PAH: variants seen among roughly 807,000 people sequenced by gnomAD.
PAH encodes the protein phenylalanine-4-hydroxylase.
A neutral mutation model predicts 62.0 loss-of-function variants in PAH; 64 were observed. That is an observed-to-expected ratio of 1.03 (90% CI 0.84 to 1.27). The LOEUF is 1.27. Ranked by LOEUF, PAH falls within the 50% of genes most tolerant of loss-of-function variation. The probability of loss-of-function intolerance (pLI) is 0.00; values close to 1 mark genes in which losing one functional copy is unlikely to be tolerated. For missense variants in PAH, 579 were observed against 542.8 expected, an observed-to-expected ratio of 1.07 and a Z score of -0.66; for synonymous variants, 195 against 196.2, an observed-to-expected ratio of 0.99 and a Z score of 0.05.
intron 2 of PAH, among the ~76,000 whole-genome samples, chr12:102,898,562 C>T (rs1338109722): frequency 3.3e-5 from 5 of 152,102 alleles, no homozygotes; most frequent in African/African-American, 7.2e-5. Flanking sequence ...TGATCATTAA[C>T]GGTATAAGGT....
rs1210938582 is a variant in PAH, at chr12:102,866,555, G to A, written c.509+41C>T. 3 of 1,493,014 alleles carry A rather than the reference G, an allele frequency of 2.0e-6. No homozygotes were observed. The highest frequency in any genetic ancestry group is 1.7e-4 in the Middle Eastern group (1 of 5,826). The allele number at this position is 1,493,014 out of a possible 1,614,324, so 92.5% of individuals were successfully genotyped here. A position where few individuals can be genotyped will look rare whatever the true frequency, so the allele number is the denominator to read the frequency against. On this transcript the variant is annotated intron_variant, in intron 5 of 12. Coordinates refer to ENST00000553106, the MANE Select transcript of PAH (RefSeq NM_000277.3). ...GGCAAGGGAGAAGCAGGCTAGGGGT[G>A]TGTTTTTCTCTCTTCCCCTCAACAA...
intron 11 of PAH, among the ~76,000 whole-genome samples, chr12:102,841,578 A>G (rs568781447): frequency 1.2e-3 from 176 of 152,308 alleles, no homozygotes; most frequent in South Asian, 2.3e-3. Flanking sequence ...AAATGCTGTT[A>G]TACTATGGTG....
rs929546633 is a variant in PAH at position 102,869,697 on chromosome 12, C to T, written c.442-3034G>A. 1.5e-4 allele frequency among the ~76,000 whole-genome samples: 23 copies of T among 152,152 alleles called. 1 individual carries two copies. The highest frequency in any genetic ancestry group is 5.3e-4 in the African/African-American group (22 of 41,436). Reference sequence around the variant, plus strand: ...CAGCCTGCAAGGGGCCCCAACCAACCAGGTTGCAGGGAGTTTTGCTTTCTC... The same window carrying T: ...CAGCCTGCAAGGGGCCCCAACCAACTAGGTTGCAGGGAGTTTTGCTTTCTC... On this transcript the variant is annotated intron_variant, in intron 4 of 12. Coordinates refer to ENST00000553106, the MANE Select transcript of PAH (RefSeq NM_000277.3).
intron 7 of PAH, among the ~76,000 whole-genome samples, chr12:102,852,483 A>G (rs1722382): frequency 0.64 from 97,419 of 152,032 alleles, 32,567 homozygotes; most frequent in African/African-American, 0.78. Context: ...ATACTTAGGA[A>G]GTATTGAGAT....
intron 1 of PAH, among the ~76,000 whole-genome samples, chr12:102,944,179 C>A (rs1243231434): frequency 6.6e-6 from 1 of 152,194 alleles, no homozygotes; most frequent in Non-Finnish European, 1.5e-5. Context: ...TTTTCTCTTG[C>A]TGCTTTTAGC....
intron 1 of PAH, among the ~76,000 whole-genome samples, chr12:102,922,543 G>A (rs961625245): frequency 1.3e-5 from 2 of 152,130 alleles, no homozygotes; most frequent in Non-Finnish European, 2.9e-5. Flanking sequence ...TTGAGGTCAC[G>A]CTGTTTACTA....
chr12:102,912,805 A>G lies in PAH; in HGVS notation c.154T>C (p.Leu52=), dbSNP rs1878253075. 1 of 1,611,292 alleles carries G rather than the reference A, an allele frequency of 6.2e-7. No individual in the cohort carries two copies. Among genetic ancestry groups the G allele is most frequent in the African/African-American group, 1.3e-5 (1 of 74,890 alleles). ...GTAGCACTGACCTCAAATAAGCGCA[A>G]TACTTTGGCCAATGCACCAACTTCT... ...KEEVGALAKV[L]RLFEENDVNL... is the part of the protein sequence containing the mutation. Residue 52 remains leucine (L), a synonymous_variant, in exon 2 of 13, where the codon TTG becomes CTG. Coordinates refer to ENST00000553106, the MANE Select transcript of PAH (RefSeq NM_000277.3).
chr12:102,953,662 A>G (rs975985308), upstream of PAH: 2 of 152,196 alleles, frequency 1.3e-5, no homozygotes, highest in Admixed American at 1.3e-4. Context: ...GAGTGTTCTG[A>G]TATAGGAAAG....
intron 4 of PAH, 101 bp downstream of exon 4, chr12:102,877,361 A>T (rs893371774): frequency 3.3e-6 from 3 of 898,570 alleles, no homozygotes; most frequent in South Asian, 2.6e-5. Context: ...TTTGTTGAAC[A>T]AGTGAACAAG....
At chr12:102,883,257 T>C (rs919133306) in intron 3 of PAH, among the ~76,000 whole-genome samples, 3 of 152,188 alleles carry the variant, frequency 2.0e-5, no homozygotes, top group Admixed American at 2.0e-4. Flanking sequence ...GTCACTACAT[T>C]TGTTCAGCTC....
intron 3 of PAH, among the ~76,000 whole-genome samples, chr12:102,882,199 C>A (rs1876838284): frequency 6.6e-6 from 1 of 152,154 alleles, no homozygotes; most frequent in Admixed American, 6.6e-5. Flanking sequence ...AGAGGGAAGA[C>A]CCTGGTGACT....
chr12:102,898,936 G>A (rs1723532633), intron 2 of PAH, among the ~76,000 whole-genome samples: 1 of 152,142 alleles, frequency 6.6e-6, no homozygotes, highest in South Asian at 2.1e-4. Context: ...ATTATTTATG[G>A]CTCCAACTGC....
chr12:102,847,068 T>C (rs1874885104), intron 8 of PAH, 117 bp from the exon 9 acceptor site: 1 of 785,882 alleles, frequency 1.3e-6, no homozygotes, highest in Admixed American at 1.8e-5. Context: ...ACAGCCCACA[T>C]AGACCCTGAG....
At chr12:102,948,276 A>T (rs1210511659) in intron 1 of PAH, among the ~76,000 whole-genome samples, 1 of 152,154 alleles carries the variant, frequency 6.6e-6, no homozygotes, top group Non-Finnish European at 1.5e-5. Context: ...AGCTCAGGAA[A>T]GGAGGTTGGA....
At chr12:102,891,367 C>T (rs553309069) in intron 3 of PAH, among the ~76,000 whole-genome samples, 2 of 152,296 alleles carry the variant, frequency 1.3e-5, no homozygotes, top group East Asian at 3.9e-4. Context: ...AGGCAAGTCA[C>T]AGCCTCTGTT....
At chr12:102,907,020 A>G (rs1360666165) in intron 2 of PAH, among the ~76,000 whole-genome samples, 1 of 152,202 alleles carries the variant, frequency 6.6e-6, no homozygotes, top group Non-Finnish European at 1.5e-5. Context: ...ATGAGAAAAG[A>G]CTGTAGCTTT....
intron 3 of PAH, among the ~76,000 whole-genome samples, chr12:102,885,215 T>G (rs745633557): frequency 6.6e-6 from 1 of 152,196 alleles, no homozygotes; most frequent in Non-Finnish European, 1.5e-5. Flanking sequence ...TTAGGGATAG[T>G]CACTTTTTAA....
intron 4 of PAH, among the ~76,000 whole-genome samples, chr12:102,868,040 C>G (rs1225525805): frequency 1.8e-5 from 2 of 108,996 alleles, no homozygotes; most frequent in Non-Finnish European, 3.8e-5. Context: ...GTATATACAC[C>G]TATATATATG....
intron 3 of PAH, among the ~76,000 whole-genome samples, chr12:102,893,996 A>C (rs1877387805): frequency 6.6e-6 from 1 of 152,232 alleles, no homozygotes; most frequent in African/African-American, 2.4e-5. Context: ...TGAAAGCCCT[A>C]GTAACAAGGA....
Sources: allele counts gnomAD v4.1 joint callset (sites outside exome capture counted in the v4.1 genomes callset), GRCh38; gene constraint gnomAD v4.1.1; transcripts MANE v1.5; gene names NCBI Gene and HGNC (gene_info 2026-07-23, HGNC 2026-07-21).